Variants in SORL1-AS1 observed in about 807,000 individuals in gnomAD.
The protein encoded by SORL1-AS1 is SORL1 antisense RNA 1, also known as lncRNA 51 A.
Position 121,452,500 on chromosome 11 carries a change from G to A in SORL1-AS1, n.339+175C>T. ...CCTCGTGGTGCAGGGCGACCCGCGC[G>A]AGCTGCGGCTGTGGGCGCGCGGGGA... is the stretch of plus-strand genomic sequence containing the variant. On this transcript the variant is annotated intron_variant and non_coding_transcript_variant, in intron 1 of 1. Transcript: ENST00000501964. This position sits in a 1 kb window ranked among gnomAD's most constrained non-coding sequence, Gnocchi z 5.3. The A allele has an allele frequency of 6.8e-7, 1 of 1,480,320 alleles. No individual in the cohort carries two copies. The highest frequency in any genetic ancestry group is 8.9e-7 in the Non-Finnish European group (1 of 1,118,558). 91.7% of individuals were successfully genotyped at this position (1,480,320 alleles called of 1,614,324 possible).
chr11:121,443,434 C>T (rs1478254068), downstream of SORL1-AS1, among the ~76,000 whole-genome samples: 1 of 152,210 alleles, frequency 6.6e-6, no homozygotes. Context: ...CATGAATATT[C>T]CCACTGAAGG....
chr11:121,440,640 TA>T, the SORL1-AS1 span, among the ~76,000 whole-genome samples: 2 of 152,208 alleles, frequency 1.3e-5, no homozygotes, highest in Non-Finnish European at 2.9e-5. Flanking sequence ...TGTTCTCCCT[TA>T]ATACTTCTTT....
At chr11:121,445,474 C>T (rs1226993143), downstream of SORL1-AS1, among the ~76,000 whole-genome samples, 1 of 152,186 alleles carries the variant, frequency 6.6e-6, no homozygotes, top group Non-Finnish European at 1.5e-5. Flanking sequence ...CTGCTGTCCC[C>T]ACAGCTCTCC....
Position 121,452,348 on chromosome 11 carries a change from G to C in SORL1-AS1, n.339+327C>G, listed in dbSNP as rs774906532. ...CGCCCGAACATGGCGACACGGAGCA[G>C]CAGGAGGGAGTCGCGACTCCCGTTC... On this transcript the variant is annotated intron_variant and non_coding_transcript_variant, in intron 1 of 1. Transcript: ENST00000501964. This position sits in a 1 kb window ranked among gnomAD's most constrained non-coding sequence, Gnocchi z 5.3. The C allele has an allele frequency of 6.4e-6, 10 of 1,553,798 alleles. No individual in the cohort carries two copies. The highest frequency in any genetic ancestry group is 2.4e-5 in the South Asian group (2 of 83,944).
downstream of SORL1-AS1, among the ~76,000 whole-genome samples, chr11:121,442,891 G>T (rs897450445): frequency 7.3e-5 from 11 of 150,600 alleles, no homozygotes; most frequent in African/African-American, 2.7e-4. Flanking sequence ...TGTTAACCAG[G>T]ATGGTCTTGA....
chr11:121,441,290 G>A, the SORL1-AS1 span, among the ~76,000 whole-genome samples: 13 of 151,864 alleles, frequency 8.6e-5, no homozygotes, highest in African/African-American at 1.9e-4. Context: ...TTGGGAGGCC[G>A]AGGCGGGCAG....
exon 2 of SORL1-AS1, chr11:121,447,659 T>C (rs1860741208): frequency 6.6e-6 from 1 of 152,064 alleles, no homozygotes; most frequent in African/African-American, 2.4e-5. Context: ...TTGAAACACA[T>C]TGGAAACCAA....
At chr11:121,439,955 CCAGA>C in the SORL1-AS1 span, among the ~76,000 whole-genome samples, 1 of 152,128 alleles carries the variant, frequency 6.6e-6, no homozygotes, top group Non-Finnish European at 1.5e-5. Context: ...CCCTAGTGGA[CCAGA>C]CATTCATTAA....
downstream of SORL1-AS1, among the ~76,000 whole-genome samples, chr11:121,444,087 T>C (rs960571040): frequency 8.2e-5 from 12 of 146,916 alleles, no homozygotes; most frequent in South Asian, 2.1e-4. Context: ...TGTGTGTGTG[T>C]GCGCGTGGGT....
At chr11:121,439,001 G>A in the SORL1-AS1 span, among the ~76,000 whole-genome samples, 1 of 152,218 alleles carries the variant, frequency 6.6e-6, no homozygotes, top group East Asian at 1.9e-4. Context: ...ACTCCAGCCT[G>A]GGCGGCAGAG....
chr11:121,448,257 G>C (rs1860748142), exon 2 of SORL1-AS1: 1 of 152,220 alleles, frequency 6.6e-6, no homozygotes, highest in African/African-American at 2.4e-5. Context: ...ATTTAATCAA[G>C]AGTGAGAATA....
In SORL1-AS1 at chr11:121,452,520, C is replaced by T. The variant is rs1860818003; in HGVS notation, n.339+155G>A. 4 of 1,478,634 alleles carry T rather than the reference C, an allele frequency of 2.7e-6. No individual in the cohort carries two copies. Among genetic ancestry groups the T allele is most frequent in the Non-Finnish European group, 2.7e-6 (3 of 1,119,864 alleles). The allele number at this position is 1,478,634 out of a possible 1,614,324, so 91.6% of individuals were successfully genotyped here. A position where few individuals can be genotyped will look rare whatever the true frequency, so the allele number is the denominator to read the frequency against. On this transcript the variant is annotated intron_variant and non_coding_transcript_variant, in intron 1 of 1. Transcript: ENST00000501964. The surrounding 1 kb of genome is among the most constrained non-coding windows in gnomAD (Gnocchi z 5.3). ...CGCGCGAGCTGCGGCTGTGGGCGCG[C>T]GGGGATGCCAGGGGGGCGAGCCGCG...
exon 2 of SORL1-AS1, chr11:121,449,231 T>A (rs980233745): frequency 1.3e-5 from 2 of 152,162 alleles, no homozygotes; most frequent in Non-Finnish European, 2.9e-5. Context: ...GCATGTTGAT[T>A]TTCGTCATGA....
chr11:121,444,472 T>C (rs1015506062), downstream of SORL1-AS1, among the ~76,000 whole-genome samples: 2 of 152,214 alleles, frequency 1.3e-5, no homozygotes, highest in African/African-American at 4.8e-5. Context: ...CCAGCGGGTC[T>C]CTGGCAGAGC....
chr11:121,449,871 A>C (rs1164711299), exon 2 of SORL1-AS1: 1 of 152,224 alleles, frequency 6.6e-6, no homozygotes, highest in Non-Finnish European at 1.5e-5. Context: ...TGCAGCAGGC[A>C]CAGTCTTGGG....
chr11:121,452,347 A>G lies in SORL1-AS1; in HGVS notation n.339+328T>C. ...TCGCCCGAACATGGCGACACGGAGC[A>G]GCAGGAGGGAGTCGCGACTCCCGTT... On this transcript the variant is annotated intron_variant and non_coding_transcript_variant, in intron 1 of 1. Coordinates refer to ENST00000501964, the Ensembl canonical transcript of SORL1-AS1. This position sits in a 1 kb window ranked among gnomAD's most constrained non-coding sequence, Gnocchi z 5.3. 1 of 1,552,436 alleles carries G rather than the reference A, an allele frequency of 6.4e-7. No individual in the cohort carries two copies. The highest frequency in any genetic ancestry group is 8.7e-7 in the Non-Finnish European group (1 of 1,153,878).
At chr11:121,451,480 T>C (rs1460504863) in intron 1 of SORL1-AS1, among the ~76,000 whole-genome samples, 1 of 152,220 alleles carries the variant, frequency 6.6e-6, no homozygotes, top group Non-Finnish European at 1.5e-5. Context: ...GGAGGGATCA[T>C]AAGCAAGCCG....
chr11:121,438,981 G>T, the SORL1-AS1 span, among the ~76,000 whole-genome samples: 2 of 152,156 alleles, frequency 1.3e-5, no homozygotes, highest in Non-Finnish European at 2.9e-5. Flanking sequence ...AGCTGAGACG[G>T]CTCCACTGCA....
chr11:121,446,568 T>C (rs544341088), downstream of SORL1-AS1, among the ~76,000 whole-genome samples: 282 of 152,112 alleles, frequency 1.9e-3, 1 homozygote, highest in African/African-American at 6.6e-3. Flanking sequence ...CTGGGCAACA[T>C]GGTGAAACCC....
Sources: allele counts gnomAD v4.1 joint callset (sites outside exome capture counted in the v4.1 genomes callset), GRCh38; gene constraint gnomAD v4.1.1; non-coding constraint Gnocchi (gnomAD v3.1); transcripts MANE v1.5; gene names NCBI Gene and HGNC (gene_info 2026-07-23, HGNC 2026-07-21).